PCDHGA12: variants seen among roughly 807,000 people sequenced by gnomAD.
PCDHGA12 encodes the protein protocadherin gamma subfamily A, 12, also known as protocadherin gamma-A12.
A neutral mutation model predicts 61.1 loss-of-function variants in PCDHGA12; 43 were observed. The observed-to-expected ratio is 0.70, with a 90% CI of 0.55 to 0.91. The LOEUF (loss-of-function observed/expected upper bound fraction) is 0.91. Ranked by LOEUF, PCDHGA12 falls within the 40% of genes least tolerant of loss-of-function variation. PCDHGA12 has a pLI of 0.00. For missense variants in PCDHGA12, 1,236 were observed against 1,227.7 expected (o/e 1.01, Z -0.10); for synonymous variants, 520 against 542.9 (o/e 0.96, Z 0.59).
At position 141,489,084 on chromosome 5, in the gene PCDHGA12, C is replaced by CCGG; in HGVS notation, c.2425-5723_2425-5722insCGG. ...CTCCCCCCTGCCCACCCCCGCCACT[C>CCGG]GGTGACTAAGAACTGCTGCAAGCAG... On this transcript the variant is annotated intron_variant, in intron 1 of 3. Coordinates refer to ENST00000252085, the MANE Select transcript of PCDHGA12 (RefSeq NM_003735.3). This position sits in a 1 kb window ranked among gnomAD's most constrained non-coding sequence, Gnocchi z 4.5. The CCGG allele has an allele frequency of 3.0e-6, 1 of 329,134 alleles. No homozygotes were observed. The highest frequency in any genetic ancestry group is 2.5e-5 in the African/African-American group (1 of 40,384). 20.4% of individuals were successfully genotyped at this position (329,134 alleles called of 1,614,324 possible). A position where few individuals can be genotyped will look rare whatever the true frequency, so the allele number is the denominator to read the frequency against.
rs1425448852 is a variant in PCDHGA12, at chr5:141,493,717, C to T, written c.2425-1090C>T. Among the ~76,000 whole-genome samples the T allele has an allele frequency of 1.3e-5, 2 of 152,208 alleles. No individual in the cohort carries two copies. The highest frequency in any genetic ancestry group is 3.8e-4 in the East Asian group (2 of 5,202). On this transcript the variant is annotated intron_variant, in intron 1 of 3. Coordinates refer to ENST00000252085, the MANE Select transcript of PCDHGA12 (RefSeq NM_003735.3). This position sits in a 1 kb window ranked among gnomAD's most constrained non-coding sequence, Gnocchi z 4.3. ...CCGATACACCTGGAATGCTAGGTTT[C>T]TGGGTTCTGCTCATATCACTGCCAC...
At position 141,477,401 on chromosome 5, in the gene PCDHGA12, G is replaced by T. The variant is rs781253466; in HGVS notation, c.2425-17406G>T. On this transcript the variant is annotated intron_variant, in intron 1 of 3. Coordinates refer to ENST00000252085, the MANE Select transcript of PCDHGA12 (RefSeq NM_003735.3). The surrounding 1 kb of genome is among the most constrained non-coding windows in gnomAD (Gnocchi z 4.9). ...GCCAGAATACAACCTCAGCATCACC[G>T]CCCGAGACGCCGGAACCCCTTCCCT... 8 of 1,613,960 alleles carry T rather than the reference G, an allele frequency of 5.0e-6. No homozygotes were observed. The highest frequency in any genetic ancestry group is 4.5e-5 in the East Asian group (2 of 44,890).
chr5:141,507,397 AC>A (rs1163501030), intron 3 of PCDHGA12: 1 of 152,144 alleles, frequency 6.6e-6, no homozygotes. Flanking sequence ...TGGCAACTCT[AC>A]CCCAGATGTC....
chr5:141,477,854 C>T lies in PCDHGA12; in HGVS notation c.2425-16953C>T. Reference sequence around the variant, plus strand: ...GCCAGGTGGGAGCTCGGTGGAGATGCTGCCTCGAGGTACCTCAGCTGGCCA... The same window carrying T: ...GCCAGGTGGGAGCTCGGTGGAGATGTTGCCTCGAGGTACCTCAGCTGGCCA... On this transcript the variant is annotated intron_variant, in intron 1 of 3. Transcript: ENST00000252085. This position sits in a 1 kb window ranked among gnomAD's most constrained non-coding sequence, Gnocchi z 4.9. 1.9e-6 allele frequency: 3 copies of T among 1,614,098 alleles called. No individual in the cohort carries two copies. The South Asian group carries it at 3.3e-5, about 18-fold the overall frequency.
Position 141,490,693 on chromosome 5 carries a change from G to C in PCDHGA12, c.2425-4114G>C. 2 of 1,614,170 alleles carry C rather than the reference G, an allele frequency of 1.2e-6. No homozygotes were observed. Among genetic ancestry groups the C allele is most frequent in the Non-Finnish European group, 1.7e-6 (2 of 1,180,018 alleles). ...GGCTGCCTCAGATCCAGACACTGGG[G>C]ATAATGCCCGCCTCACCTACTCCAT... is the stretch of plus-strand genomic sequence containing the variant. On this transcript the variant is annotated intron_variant, in intron 1 of 3. Coordinates refer to ENST00000252085, the MANE Select transcript of PCDHGA12 (RefSeq NM_003735.3). This position sits in a 1 kb window ranked among gnomAD's most constrained non-coding sequence, Gnocchi z 5.4.
chr5:141,487,616 G>A lies in PCDHGA12; in HGVS notation c.2425-7191G>A. On this transcript the variant is annotated intron_variant, in intron 1 of 3. Transcript: ENST00000252085. This position sits in a 1 kb window ranked among gnomAD's most constrained non-coding sequence, Gnocchi z 5.0. ...CTCTGATCTTCTCTATGGGCTAGAG[G>A]TGAGACCTTTGCAGGCTCAACAAAT... 2 of 1,614,220 alleles carry A rather than the reference G, an allele frequency of 1.2e-6. No homozygotes were observed. The highest frequency in any genetic ancestry group is 1.7e-6 in the Non-Finnish European group (2 of 1,180,044).
chr5:141,431,554 C>A lies in PCDHGA12; in HGVS notation c.795C>A (p.Asn265Lys), dbSNP rs766242338. The change falls in exon 1 of 4, where the codon AAC (asparagine) becomes AAA (lysine). Residue 265 changes from asparagine to lysine, a missense_variant. Physicochemically the swap from Asn to Lys is moderately conservative, Grantham distance 94. Coordinates refer to ENST00000252085, the MANE Select transcript of PCDHGA12 (RefSeq NM_003735.3). The surrounding 1 kb of genome is among the most constrained non-coding windows in gnomAD (Gnocchi z 4.8). ...LALGTQLLVV[N>K]ATDPDEGVNA... ...TGGGCACGCAGCTGCTTGTAGTCAA[C>A]GCTACCGACCCTGACGAAGGAGTCA... 1.2e-6 allele frequency: 2 copies of A among 1,614,008 alleles called. No individual in the cohort carries two copies. Among genetic ancestry groups the A allele is most frequent in the African/African-American group, 1.3e-5 (1 of 74,942 alleles).
At chr5:141,442,089 C>A in intron 1 of PCDHGA12, 1 of 170,684 alleles carries the variant, frequency 5.9e-6, no homozygotes, top group South Asian at 1.1e-4. Context: ...CTCGCTACCG[C>A]CACGTCACCA....
chr5:141,491,612 G>A lies in PCDHGA12; in HGVS notation c.2425-3195G>A, dbSNP rs759955730. ...GACGGCAGTGACTTCACTTTTCTAAGACCCCTCAGCGTTCAGCAGCCCACA... is the reference window on the plus strand; with the variant it reads ...GACGGCAGTGACTTCACTTTTCTAAAACCCCTCAGCGTTCAGCAGCCCACA... On this transcript the variant is annotated intron_variant, in intron 1 of 3. Coordinates refer to ENST00000252085, the MANE Select transcript of PCDHGA12 (RefSeq NM_003735.3). The surrounding 1 kb of genome is among the most constrained non-coding windows in gnomAD (Gnocchi z 6.9). 6.2e-7 allele frequency: 1 copy of A among 1,613,906 alleles called. No individual in the cohort carries two copies. The highest frequency in any genetic ancestry group is 8.5e-7 in the Non-Finnish European group (1 of 1,180,026).
intron 1 of PCDHGA12, among the ~76,000 whole-genome samples, chr5:141,457,190 G>A (rs2098913282): frequency 6.6e-6 from 1 of 152,200 alleles, no homozygotes; most frequent in African/African-American, 2.4e-5. Context: ...GTAGAGTGAG[G>A]AAAGCAGTTC....
At chr5:141,454,941 G>A (rs2098807517) in intron 1 of PCDHGA12, among the ~76,000 whole-genome samples, 1 of 150,970 alleles carries the variant, frequency 6.6e-6, no homozygotes, top group Non-Finnish European at 1.5e-5. Flanking sequence ...CCGAGTAGCT[G>A]GGACTACAGG....
chr5:141,492,122 C>G (rs2154587050), intron 1 of PCDHGA12, among the ~76,000 whole-genome samples: 1 of 152,328 alleles, frequency 6.6e-6, no homozygotes, highest in Admixed American at 6.5e-5. Context: ...GATTTCTCCC[C>G]AGCTCCCAGC....
rs1264130543 is a variant in PCDHGA12 at position 141,485,467 on chromosome 5, C to T, written c.2425-9340C>T. 2 of 1,614,112 alleles carry T rather than the reference C, an allele frequency of 1.2e-6. No homozygotes were observed. The highest frequency in any genetic ancestry group is 1.7e-6 in the Non-Finnish European group (2 of 1,180,024). On this transcript the variant is annotated intron_variant, in intron 1 of 3. Transcript: ENST00000252085. The surrounding 1 kb of genome is among the most constrained non-coding windows in gnomAD (Gnocchi z 5.7). ...TCGACCGAGAGGCACTGTGTGGGCT[C>T]AGTGCCAGCTGCATCGTGCCCCTGG... is the stretch of plus-strand genomic sequence containing the variant.
At chr5:141,492,601 C>T (rs1374321466) in intron 1 of PCDHGA12, among the ~76,000 whole-genome samples, 2 of 152,220 alleles carry the variant, frequency 1.3e-5, no homozygotes, top group East Asian at 3.9e-4. Context: ...GGAGCGACTG[C>T]CGCTCTAAGT....
chr5:141,478,102 C>T, intron 1 of PCDHGA12: 1 of 1,614,126 alleles, frequency 6.2e-7, no homozygotes, highest in South Asian at 1.1e-5. Flanking sequence ...CTGCTACCCT[C>T]ACTGTGTCAG....
rs1410460145 is a variant in PCDHGA12 at position 141,490,798 on chromosome 5, C to T, written c.2425-4009C>T. On this transcript the variant is annotated intron_variant, in intron 1 of 3. Coordinates refer to ENST00000252085, the MANE Select transcript of PCDHGA12 (RefSeq NM_003735.3). The surrounding 1 kb of genome is among the most constrained non-coding windows in gnomAD (Gnocchi z 5.4). The stretch of plus-strand genomic sequence containing the variant: ...AGAGGATGGACGGATCTTTGCCCAG[C>T]GTACCTTTGACTATGAATTGCTGCA... 9.3e-6 allele frequency: 15 copies of T among 1,613,808 alleles called. No individual in the cohort carries two copies. Among genetic ancestry groups the T allele is most frequent in the Admixed American group, 6.7e-5 (4 of 60,002 alleles).
At chr5:141,502,472 A>T (rs1450967250) in intron 2 of PCDHGA12, among the ~76,000 whole-genome samples, 1 of 150,886 alleles carries the variant, frequency 6.6e-6, no homozygotes, top group Non-Finnish European at 1.5e-5. Flanking sequence ...TACTTCCCGC[A>T]GCATCACACT....
chr5:141,466,969 C>T (rs2099133068), intron 1 of PCDHGA12, among the ~76,000 whole-genome samples: 1 of 152,068 alleles, frequency 6.6e-6, no homozygotes, highest in African/African-American at 2.4e-5. Flanking sequence ...TATTTTCTCA[C>T]AGCTCATCAT....
Position 141,511,250 on chromosome 5 carries a change from CAG to C in PCDHGA12, c.*80_*81del. 2 of 1,571,674 alleles carry C rather than the reference CAG, an allele frequency of 1.3e-6. No homozygotes were observed. Among genetic ancestry groups the C allele is most frequent in the Non-Finnish European group, 1.7e-6 (2 of 1,158,794 alleles). On this transcript the variant is annotated 3_prime_UTR_variant, in exon 4 of 4. Transcript: ENST00000252085. ...CTTCTCCTTACCTGCACCCAGGCCT[CAG>C]AGTTTCAGGGCTAACCCCCAGAATA...
Sources: allele counts gnomAD v4.1 joint callset (sites outside exome capture counted in the v4.1 genomes callset), GRCh38; gene constraint gnomAD v4.1.1; non-coding constraint Gnocchi (gnomAD v3.1); transcripts MANE v1.5; gene names NCBI Gene and HGNC (gene_info 2026-07-23, HGNC 2026-07-21).